Variants in CEP295 observed in about 807,000 individuals in gnomAD.
CEP295 encodes the protein centrosomal protein 295, also known as centrosomal protein of 295 kDa.
In CEP295, 190 loss-of-function variants were observed where a neutral mutation model predicts 291.6. That is an observed-to-expected ratio of 0.65 (90% CI 0.58 to 0.73). The LOEUF (loss-of-function observed/expected upper bound fraction) is 0.73, where lower values mean the gene tolerates loss of function less well. Among genes scored for constraint, CEP295 ranks in the 30% least tolerant of loss-of-function variants. The pLI is 0.00. For synonymous variants in CEP295, 993 were observed against 1,038.8 expected, an observed-to-expected ratio of 0.96 and a Z score of 0.85; for missense variants, 2,863 against 2,949.4, an observed-to-expected ratio of 0.97 and a Z score of 0.68.
chr11:93,705,672 A>G (rs1442302875), intron 17 of CEP295, among the ~76,000 whole-genome samples: 1 of 151,998 alleles, frequency 6.6e-6, no homozygotes, highest in African/African-American at 2.4e-5. Flanking sequence ...GGGTTTTTAC[A>G]TTTTTTAGTT....
At chr11:93,665,326 C>T (rs948548563) in intron 1 of CEP295, among the ~76,000 whole-genome samples, 1 of 152,110 alleles carries the variant, frequency 6.6e-6, no homozygotes, top group African/African-American at 2.4e-5. Context: ...TATATTTATT[C>T]CATTTCTTTT....
At chr11:93,671,749 G>A (rs1349603324) in intron 5 of CEP295, among the ~76,000 whole-genome samples, 1 of 152,050 alleles carries the variant, frequency 6.6e-6, no homozygotes. Context: ...GCTAGGTTGT[G>A]GGGTATTTGG....
intron 9 of CEP295, 66 bp downstream of exon 9, chr11:93,684,194 A>C: frequency 7.1e-7 from 1 of 1,413,730 alleles, no homozygotes; most frequent in Non-Finnish European, 9.6e-7. Flanking sequence ...ACCATTAGCC[A>C]GCAGTTAGGA....
In CEP295 at chr11:93,711,565, C is replaced by T. The variant is rs903652902; in HGVS notation, c.5749+4668C>T. 1.5e-4 allele frequency among the ~76,000 whole-genome samples: 23 copies of T among 152,236 alleles called. No individual in the cohort carries two copies. The South Asian group carries it at 1.7e-3, about 11-fold the overall frequency. ...TCATCCAGGCTGGAGTGCAGTGGCA[C>T]GATCTTGGCCCACTGCAGCCTCCAT... is the stretch of plus-strand genomic sequence containing the variant. On this transcript the variant is annotated intron_variant, in intron 18 of 29. Transcript: ENST00000325212.
At chr11:93,722,085 A>G in intron 20 of CEP295, 35 bp downstream of exon 20, 1 of 1,274,040 alleles carries the variant, frequency 7.8e-7, no homozygotes, top group South Asian at 1.3e-5. Context: ...ATAAGTTGAA[A>G]GACCGGCACC....
chr11:93,691,854 T>A, intron 11 of CEP295, 73 bp from the exon 12 acceptor site: 2 of 1,286,212 alleles, frequency 1.6e-6, no homozygotes, highest in Non-Finnish European at 1.1e-6. Context: ...TGTGATATAT[T>A]AAGAAAGGGC....
At chr11:93,696,067 A>G (rs1164059696) in intron 13 of CEP295, among the ~76,000 whole-genome samples, 2 of 152,216 alleles carry the variant, frequency 1.3e-5, no homozygotes, top group Non-Finnish European at 2.9e-5. Context: ...TGCATCAGTT[A>G]CGGCTTTCAT....
chr11:93,707,123 G>A (rs1210096856), intron 18 of CEP295, among the ~76,000 whole-genome samples: 1 of 149,948 alleles, frequency 6.7e-6, no homozygotes, highest in African/African-American at 2.4e-5. Flanking sequence ...ATCAAGGTAG[G>A]AGTTTTATAC....
At chr11:93,701,224 G>A (rs997614668) in intron 15 of CEP295, among the ~76,000 whole-genome samples, 2 of 152,024 alleles carry the variant, frequency 1.3e-5, no homozygotes, top group Non-Finnish European at 2.9e-5. Flanking sequence ...AATTAGCCAG[G>A]CATGGTAGCA....
At chr11:93,720,163 G>A (rs1003465023) in intron 18 of CEP295, among the ~76,000 whole-genome samples, 13 of 151,620 alleles carry the variant, frequency 8.6e-5, no homozygotes, top group Non-Finnish European at 2.9e-5. Context: ...TTCAAGACCA[G>A]TCTGGGAAAC....
At chr11:93,666,947 A>G in intron 2 of CEP295, 132 bp downstream of exon 2, 1 of 521,694 alleles carries the variant, frequency 1.9e-6, no homozygotes, top group South Asian at 3.3e-5. Context: ...GTTATTTGGT[A>G]TTAACTAGTT....
rs922376374 is a variant in CEP295, at chr11:93,697,202, G to T, written c.2290G>T (p.Glu764Ter). 1 of 1,551,742 alleles carries T rather than the reference G, an allele frequency of 6.4e-7. No homozygotes were observed. Residue 764 changes from glutamate (E) to a stop codon, truncating the protein, a stop_gained, in exon 15 of 30, where the codon GAA becomes TAA. Coordinates refer to ENST00000325212, the MANE Select transcript of CEP295 (RefSeq NM_033395.2). LOFTEE classifies it high-confidence loss of function. ...TGGGGCAACAACTTTTCAAAGTTTA[G>T]AATCCCAACAATTGTTCTCAGAGAA... ...TFGATTFQSL[E>*]SQQLFSENSE...
At chr11:93,726,945 G>C in intron 23 of CEP295, 31 bp from the exon 24 acceptor site, 1 of 1,457,042 alleles carries the variant, frequency 6.9e-7, no homozygotes, top group South Asian at 1.4e-5. Context: ...ATGTAACGAT[G>C]ATTAACTGAT....
intron 24 of CEP295, 48 bp from the exon 25 acceptor site, chr11:93,728,633 C>G: frequency 6.8e-7 from 1 of 1,480,380 alleles, no homozygotes; most frequent in South Asian, 1.4e-5. Context: ...TAGTTTAAGT[C>G]TTTTAAGGCT....
chr11:93,701,386 C>T (rs1454299807), intron 15 of CEP295, among the ~76,000 whole-genome samples: 2 of 152,054 alleles, frequency 1.3e-5, no homozygotes, highest in Admixed American at 1.3e-4. Flanking sequence ...AATGAAAGGC[C>T]ACTTCCTAAA....
chr11:93,699,122 T>G lies in CEP295; in HGVS notation c.4210T>G (p.Ser1404Ala). The G allele has an allele frequency of 6.5e-7, 1 of 1,550,118 alleles. No individual in the cohort carries two copies. Among genetic ancestry groups the G allele is most frequent in the Non-Finnish European group, 8.7e-7 (1 of 1,147,074 alleles). The change falls in exon 15 of 30, where the codon TCA (serine) becomes GCA (alanine). Residue 1404 changes from serine to alanine, a missense_variant. By Grantham distance (99) the Ser-to-Ala change is moderately conservative. Coordinates refer to ENST00000325212, the MANE Select transcript of CEP295 (RefSeq NM_033395.2). ...TSSLPLVPQH[S>A]FASLPLNESE... Reference sequence around the variant, plus strand: ...TTCCTTACCCCTAGTACCACAGCATTCATTCGCCTCATTACCTCTTAATGA... The same window carrying G: ...TTCCTTACCCCTAGTACCACAGCATGCATTCGCCTCATTACCTCTTAATGA...
In CEP295 at chr11:93,696,789, C is replaced by T; in HGVS notation, c.1877C>T (p.Ser626Phe). The change falls in exon 15 of 30, where the codon TCT becomes TTT. Residue 626 changes from serine to phenylalanine, a missense_variant. Transcript: ENST00000325212. ...TCAGCTCCATCATTGATAACTGATTCTGTTATATCAGTGCCATCATGGAAA... is the reference window on the plus strand; with the variant it reads ...TCAGCTCCATCATTGATAACTGATTTTGTTATATCAGTGCCATCATGGAAA... ...SVSAPSLITD[S>F]VISVPSWKSE... is the part of the protein sequence containing the mutation. 2 of 1,551,502 alleles carry T rather than the reference C, an allele frequency of 1.3e-6. No homozygotes were observed. The highest frequency in any genetic ancestry group is 1.7e-6 in the Non-Finnish European group (2 of 1,146,810).
intron 6 of CEP295, among the ~76,000 whole-genome samples, chr11:93,678,554 A>G (rs184277953): frequency 6.6e-6 from 1 of 152,344 alleles, no homozygotes; most frequent in East Asian, 1.9e-4. Flanking sequence ...ATTTCAACAT[A>G]CAAAAGACAG....
intron 17 of CEP295, among the ~76,000 whole-genome samples, chr11:93,703,988 C>T (rs1952358841): frequency 6.6e-6 from 1 of 151,936 alleles, no homozygotes; most frequent in Non-Finnish European, 1.5e-5. Context: ...CCAGGATGGT[C>T]TCCATCTCCT....
Sources: gnomAD v4.1 joint callset for allele counts (sites outside exome capture counted in the v4.1 genomes callset) on GRCh38, gnomAD v4.1.1 for gene constraint, MANE v1.5 for transcripts, NCBI Gene and HGNC (gene_info 2026-07-23, HGNC 2026-07-21) for gene names.